The following RFC1 variants were observed in gnomAD, a reference collection of about 807,000 sequenced individuals.
The protein encoded by RFC1 is replication factor C subunit 1, also known as A1 140 kDa subunit.
In RFC1, 37 loss-of-function variants were observed where a neutral mutation model predicts 137.4. The observed-to-expected ratio is 0.27, with a 90% confidence interval of 0.21 to 0.35. The LOEUF is 0.35. Ranked by LOEUF, RFC1 falls within the 10% of genes least tolerant of loss-of-function variation. The pLI, the probability that RFC1 is intolerant of heterozygous loss-of-function variation, is 1.00. For synonymous variants in RFC1, 429 were observed against 455.7 expected (o/e 0.94, Z 0.75); for missense variants, 1,205 against 1,358.5 (o/e 0.89, Z 1.78).
chr4:39,322,616 G>C (rs1171185476), intron 7 of RFC1, among the ~76,000 whole-genome samples: 1 of 152,002 alleles, frequency 6.6e-6, no homozygotes, highest in East Asian at 1.9e-4. Context: ...TATGATAAAG[G>C]AGTAAGGAAA....
In RFC1 at chr4:39,312,820, C is replaced by T; in HGVS notation, c.1315G>A (p.Gly439Arg). The T allele has an allele frequency of 6.2e-7, 1 of 1,614,118 alleles. No homozygotes were observed. Among genetic ancestry groups the T allele is most frequent in the Non-Finnish European group, 8.5e-7 (1 of 1,180,020 alleles). ...LIERYGGKVT[G>R]NVSKKTNYLV... is the part of the protein sequence containing the mutation. ...TAATTTGTTTTCTTGCTGACATTTC[C>T]TGTTACTTTTCCCCCATAACGTTCA... The change falls in exon 11 of 25, where the codon GGA becomes AGA. Residue 439 changes from glycine to arginine, a missense_variant. Transcript: ENST00000349703.
At chr4:39,298,543 T>C (rs1156417884) in intron 21 of RFC1, among the ~76,000 whole-genome samples, 3 of 152,262 alleles carry the variant, frequency 2.0e-5, no homozygotes, top group Non-Finnish European at 2.9e-5. Flanking sequence ...GATCTCAACC[T>C]AAATACAGTA....
intron 15 of RFC1, 178 bp from the exon 16 acceptor site, chr4:39,303,329 A>C (rs1183461525): frequency 1.7e-6 from 1 of 589,386 alleles, no homozygotes. Context: ...TGCAGAGAAG[A>C]GAAACTCTCC....
intron 9 of RFC1, among the ~76,000 whole-genome samples, chr4:39,319,459 G>A (rs1739406681): frequency 6.6e-6 from 1 of 152,196 alleles, no homozygotes; most frequent in South Asian, 2.1e-4. Flanking sequence ...CAGGGTTGTT[G>A]TGAAAATTAT....
chr4:39,337,683 T>C (rs942455394), intron 4 of RFC1, among the ~76,000 whole-genome samples: 5 of 152,196 alleles, frequency 3.3e-5, no homozygotes, highest in African/African-American at 1.2e-4. Context: ...CTCTCTATCA[T>C]ATACAGAATA....
chr4:39,340,577 G>A (rs1449058392), intron 4 of RFC1, among the ~76,000 whole-genome samples: 1 of 152,038 alleles, frequency 6.6e-6, no homozygotes, highest in Non-Finnish European at 1.5e-5. Flanking sequence ...TTACTTTAAC[G>A]TCAAGGATTT....
chr4:39,291,633 A>G lies in RFC1; in HGVS notation c.3168+6T>C, dbSNP rs1345400101. The G allele has an allele frequency of 1.2e-6, 2 of 1,602,240 alleles. No homozygotes were observed. The highest frequency in any genetic ancestry group is 1.7e-6 in the Non-Finnish European group (2 of 1,169,214). On this transcript the variant is annotated splice_donor_region_variant and intron_variant, in intron 23 of 24. Transcript: ENST00000349703. ...TGACGAAGAACCAGTGAGTGACATGATTTACCTTGGGATCCAGCTTTGAAA... is the reference window on the plus strand; with the variant it reads ...TGACGAAGAACCAGTGAGTGACATGGTTTACCTTGGGATCCAGCTTTGAAA...
chr4:39,363,515 T>C (rs1741859875), intron 1 of RFC1, among the ~76,000 whole-genome samples: 1 of 152,232 alleles, frequency 6.6e-6, no homozygotes, highest in African/African-American at 2.4e-5. Flanking sequence ...TTTATTTCTT[T>C]ATTGATAACT....
intron 22 of RFC1, among the ~76,000 whole-genome samples, chr4:39,294,867 G>A (rs1046236365): frequency 2.6e-5 from 4 of 152,088 alleles, no homozygotes; most frequent in Admixed American, 1.3e-4. Flanking sequence ...AGCCGGACAC[G>A]GTGGCGTGCG....
At chr4:39,314,932 T>C (rs1183685173) in intron 10 of RFC1, among the ~76,000 whole-genome samples, 1 of 152,100 alleles carries the variant, frequency 6.6e-6, no homozygotes, top group Non-Finnish European at 1.5e-5. Context: ...TCTATCCCAT[T>C]AGCAAAACGC....
rs17334971 is a variant in RFC1 at position 39,321,641 on chromosome 4, G to T, written c.721-267C>A. 171 of 283,596 alleles carry T rather than the reference G, an allele frequency of 6.0e-4. 3 individuals carry two copies. The East Asian group carries it at 9.8e-3, about 16-fold the overall frequency. 17.6% of individuals were successfully genotyped at this position (283,596 alleles called of 1,614,324 possible). A position where few individuals can be genotyped will look rare whatever the true frequency, so the allele number is the denominator to read the frequency against. ...TTCATCCCAACCTGTAAATCTGGAA[G>T]TAGAAGCCTTATTTCTCCTTCATCT... On this transcript the variant is annotated intron_variant, in intron 7 of 24. Transcript: ENST00000349703.
In RFC1 at chr4:39,324,391, C is replaced by T. The variant is rs559177608; in HGVS notation, c.643-974G>A. ...TAGAGGATTGTGATACAAAGTACCACACCTGGTTTGGAAAGGATTAGGTAA... is the reference window on the plus strand; with the variant it reads ...TAGAGGATTGTGATACAAAGTACCATACCTGGTTTGGAAAGGATTAGGTAA... On this transcript the variant is annotated intron_variant, in intron 6 of 24. Transcript: ENST00000349703. Among the ~76,000 whole-genome samples, 8 of 152,278 alleles carry T rather than the reference C, an allele frequency of 5.3e-5. No homozygotes were observed. In the East Asian group the frequency reaches 7.7e-4, roughly 15 times the overall value.
chr4:39,303,628 A>G (rs994428913), intron 15 of RFC1, among the ~76,000 whole-genome samples: 5 of 152,164 alleles, frequency 3.3e-5, no homozygotes, highest in African/African-American at 1.2e-4. Flanking sequence ...TAATTTTTGT[A>G]TTTTTAGTAG....
At chr4:39,289,065 G>A (rs374880389) in intron 24 of RFC1, among the ~76,000 whole-genome samples, 110 of 152,202 alleles carry the variant, frequency 7.2e-4, no homozygotes, top group African/African-American at 2.5e-3. Context: ...TTTTAGTTTA[G>A]AATTTAGAAC....
intron 4 of RFC1, 22 bp downstream of exon 4, chr4:39,342,323 A>G (rs1349370133): frequency 1.9e-6 from 3 of 1,603,668 alleles, no homozygotes; most frequent in South Asian, 1.1e-5. Context: ...ACGGCATCTC[A>G]TATACCACAA....
intron 4 of RFC1, among the ~76,000 whole-genome samples, 176 bp from the exon 5 acceptor site, chr4:39,327,932 G>A (rs1161505348): frequency 6.6e-6 from 1 of 152,074 alleles, no homozygotes; most frequent in Non-Finnish European, 1.5e-5. Context: ...AGGAGTTCGA[G>A]ACCAGTCTGG....
In RFC1 at chr4:39,321,335, C is replaced by T; in HGVS notation, c.760G>A (p.Val254Ile). ...DTEAGETFSS[V>I]QANLSKAEKH... ...TCTGCTTTACTTAAATTGGCTTGGA[C>T]AGATGAAAACGTTTCTCCCGCTTCT... Residue 254 changes from valine to isoleucine, a missense_variant, in exon 8 of 25, where the codon GTC (valine) becomes ATC (isoleucine). By Grantham distance (29) the Val-to-Ile change is conservative. Around this residue, in one of 3 missense-constraint regions of RFC1, gnomAD observed 962 missense variants for 1,035.3 expected, o/e 0.93. Transcript: ENST00000349703. The T allele has an allele frequency of 6.2e-7, 1 of 1,613,670 alleles. No individual in the cohort carries two copies. Among genetic ancestry groups the T allele is most frequent in the Non-Finnish European group, 8.5e-7 (1 of 1,179,786 alleles).
intron 1 of RFC1, among the ~76,000 whole-genome samples, chr4:39,359,574 G>T (rs1029211303): frequency 1.3e-5 from 2 of 152,158 alleles, no homozygotes; most frequent in African/African-American, 4.8e-5. Context: ...TGTAATCCCA[G>T]CACTTTAGGA....
In RFC1 at chr4:39,316,901, C is replaced by G; in HGVS notation, c.1203+14G>C. 6.4e-7 allele frequency: 1 copy of G among 1,565,198 alleles called. No homozygotes were observed. Among genetic ancestry groups the G allele is most frequent in the Non-Finnish European group, 8.8e-7 (1 of 1,135,652 alleles). On this transcript the variant is annotated intron_variant, in intron 10 of 24. Coordinates refer to ENST00000349703, the MANE Select transcript of RFC1 (RefSeq NM_002913.5). ...AGGCCCTCACAGAATGGCATGCCCT[C>G]TCAGTACTCTTACCTTTGGTATTTC...
Sources: allele counts gnomAD v4.1 joint callset (sites outside exome capture counted in the v4.1 genomes callset), GRCh38; gene constraint gnomAD v4.1.1; regional missense constraint gnomAD v4.1.1; transcripts MANE v1.5; gene names NCBI Gene and HGNC (gene_info 2026-07-23, HGNC 2026-07-21).